The following MCU variants were observed in gnomAD, a reference collection of about 807,000 sequenced individuals.
MCU encodes calcium uniporter protein, mitochondrial.
Under a neutral mutation model 45.2 loss-of-function variants are expected in MCU, and 12 were observed. The observed-to-expected ratio is 0.27, with a 90% CI of 0.17 to 0.43. The LOEUF (loss-of-function observed/expected upper bound fraction) is 0.43, where lower values mean the gene tolerates loss of function less well. Ranked by LOEUF, MCU falls within the 20% of genes least tolerant of loss-of-function variation. The pLI is 1.00. For missense variants in MCU, 324 were observed against 436.7 expected (o/e 0.74, Z 2.30); for synonymous variants, 160 against 165.1 (o/e 0.97, Z 0.24).
In MCU at chr10:72,734,243, T is replaced by G. The variant is rs892871723; in HGVS notation, c.150+41942T>G. ...CCTGGGTGATGGAGCAAGATCCTGT[T>G]TCTAAAAAAGAAAGAAAGAAATTCC... On this transcript the variant is annotated intron_variant, in intron 1 of 7. Coordinates refer to ENST00000373053, the MANE Select transcript of MCU (RefSeq NM_138357.3). 2.6e-5 allele frequency among the ~76,000 whole-genome samples: 4 copies of G among 152,110 alleles called. No individual in the cohort carries two copies. In the East Asian group the frequency reaches 7.7e-4, roughly 29 times the overall value.
intron 6 of MCU, among the ~76,000 whole-genome samples, chr10:72,882,872 A>G (rs939234478): frequency 3.3e-5 from 5 of 152,104 alleles, no homozygotes; most frequent in African/African-American, 1.2e-4. Context: ...GGCATCACGG[A>G]ACCTACCGAC....
At chr10:72,784,581 A>C (rs1265202732) in intron 1 of MCU, among the ~76,000 whole-genome samples, 1 of 152,196 alleles carries the variant, frequency 6.6e-6, no homozygotes, top group Non-Finnish European at 1.5e-5. Context: ...AGATCTCTGG[A>C]TGTCCTTGTT....
intron 1 of MCU, among the ~76,000 whole-genome samples, chr10:72,777,280 C>CTTTTT (rs1843909667): frequency 2.6e-5 from 4 of 152,096 alleles, no homozygotes. Context: ...GCTGGAGACA[C>CTTTTT]TACCTGACAT....
chr10:72,749,747 G>A (rs1376738953), intron 1 of MCU, among the ~76,000 whole-genome samples: 2 of 151,994 alleles, frequency 1.3e-5, no homozygotes, highest in Non-Finnish European at 2.9e-5. Flanking sequence ...CTAGTTAAAG[G>A]GTGCTGTTGT....
chr10:72,796,592 CA>C (rs1263236727), intron 1 of MCU, among the ~76,000 whole-genome samples: 2 of 152,234 alleles, frequency 1.3e-5, no homozygotes, highest in Non-Finnish European at 2.9e-5. Flanking sequence ...TAGCACACTG[CA>C]ACCTCATCCT....
chr10:72,767,671 G>A (rs149101063), intron 1 of MCU, among the ~76,000 whole-genome samples: 5 of 152,110 alleles, frequency 3.3e-5, no homozygotes, highest in East Asian at 1.9e-4. Context: ...TTGTCTCTGC[G>A]TGTTAGGTTC....
At chr10:72,765,786 CAAAAAAAAAAA>C (rs36071651) in intron 1 of MCU, among the ~76,000 whole-genome samples, 3 of 63,222 alleles carry the variant, frequency 4.7e-5, no homozygotes, top group African/African-American at 1.5e-4. Flanking sequence ...GACGCTGTCT[CAAAAAAAAAAA>C]AAAAAAAAAA....
chr10:72,780,800 A>G (rs771400957), intron 1 of MCU, among the ~76,000 whole-genome samples: 2 of 152,116 alleles, frequency 1.3e-5, no homozygotes, highest in Non-Finnish European at 2.9e-5. Flanking sequence ...CAATGTTAAT[A>G]TCTTCCTTAC....
At chr10:72,700,307 C>A (rs554025818) in intron 1 of MCU, among the ~76,000 whole-genome samples, 65 of 151,886 alleles carry the variant, frequency 4.3e-4, no homozygotes, top group African/African-American at 1.3e-3. Context: ...GTGATCCCCC[C>A]ACTTCAGCCT....
chr10:72,755,446 C>A (rs572395244), intron 1 of MCU, among the ~76,000 whole-genome samples: 2 of 152,248 alleles, frequency 1.3e-5, no homozygotes, highest in South Asian at 4.1e-4. Context: ...CCCCACCTGG[C>A]CAGCTTGGGC....
chr10:72,805,271 C>T (rs1844429740), intron 1 of MCU, among the ~76,000 whole-genome samples: 1 of 144,732 alleles, frequency 6.9e-6, no homozygotes, highest in Admixed American at 7.0e-5. Context: ...TTTTTGGAGA[C>T]AGGGTCTCGC....
intron 1 of MCU, among the ~76,000 whole-genome samples, chr10:72,829,247 C>A (rs938783599): frequency 2.0e-5 from 3 of 150,860 alleles, no homozygotes; most frequent in Admixed American, 6.6e-5. Context: ...TGCTTGAACC[C>A]AGGAGGCAGA....
In MCU at chr10:72,884,399, T is replaced by A; in HGVS notation, c.978+17T>A. On this transcript the variant is annotated intron_variant, in intron 7 of 7. Transcript: ENST00000373053. ...ATTGCTCAGGTAAGTTTTACAAAAA[T>A]TAAAATAAATCCCAGCCCTATCTTG... 2 of 1,382,768 alleles carry A rather than the reference T, an allele frequency of 1.4e-6. No individual in the cohort carries two copies. Among genetic ancestry groups the A allele is most frequent in the Non-Finnish European group, 2.1e-6 (2 of 971,004 alleles). The allele number at this position is 1,382,768 out of a possible 1,614,324, so 85.7% of individuals were successfully genotyped here.
At chr10:72,717,585 G>A (rs1376463118) in intron 1 of MCU, among the ~76,000 whole-genome samples, 3 of 152,064 alleles carry the variant, frequency 2.0e-5, no homozygotes, top group African/African-American at 7.2e-5. Flanking sequence ...GAGTCACTAA[G>A]TGCTTATAGT....
At chr10:72,752,611 G>T (rs1414439758) in intron 1 of MCU, among the ~76,000 whole-genome samples, 1 of 152,130 alleles carries the variant, frequency 6.6e-6, no homozygotes, top group African/African-American at 2.4e-5. Flanking sequence ...AAGACAAAGA[G>T]ATATGAAGGA....
intron 1 of MCU, among the ~76,000 whole-genome samples, chr10:72,772,057 C>A (rs917111405): frequency 1.3e-5 from 2 of 152,304 alleles, no homozygotes; most frequent in South Asian, 2.1e-4. Flanking sequence ...CTTGTCCTTG[C>A]CTTAACCTGT....
chr10:72,828,350 A>G (rs1396337569), intron 1 of MCU, among the ~76,000 whole-genome samples: 1 of 152,196 alleles, frequency 6.6e-6, no homozygotes, highest in Non-Finnish European at 1.5e-5. Context: ...GATGTAGTTA[A>G]TGTAGTTTAG....
At chr10:72,726,156 T>A (rs1437999453) in intron 1 of MCU, among the ~76,000 whole-genome samples, 1 of 152,016 alleles carries the variant, frequency 6.6e-6, no homozygotes, top group Non-Finnish European at 1.5e-5. Flanking sequence ...CACCTCAGCC[T>A]CTGGAGTAGA....
At chr10:72,882,564 G>T (rs1845721084) in intron 6 of MCU, among the ~76,000 whole-genome samples, 1 of 152,154 alleles carries the variant, frequency 6.6e-6, no homozygotes, top group African/African-American at 2.4e-5. Context: ...GTCTCCCATA[G>T]CGCTCCCAGG....
Sources: gnomAD v4.1 joint callset for allele counts (sites outside exome capture counted in the v4.1 genomes callset) on GRCh38, gnomAD v4.1.1 for gene constraint, MANE v1.5 for transcripts, NCBI Gene and HGNC (gene_info 2026-07-23, HGNC 2026-07-21) for gene names.